Variants in MAPKAP1 observed in about 807,000 individuals in gnomAD.
MAPKAP1 encodes MAPK associated protein 1, also known as target of rapamycin complex 2 subunit MAPKAP1.
MAPKAP1 carries 20 observed loss-of-function variants against 65.7 expected under a neutral mutation model. That is an observed-to-expected ratio of 0.30 (90% CI 0.21 to 0.44). MAPKAP1 has a LOEUF of 0.44. Among genes scored for constraint, MAPKAP1 ranks in the 20% least tolerant of loss-of-function variants. The probability of loss-of-function intolerance (pLI) is 1.00; values close to 1 mark genes in which losing one functional copy is unlikely to be tolerated. For synonymous variants in MAPKAP1, 222 were observed against 244.3 expected (o/e 0.91, Z 0.85); for missense variants, 423 against 648.0 (o/e 0.65, Z 3.77).
At chr9:125,600,500 G>A (rs749483279) in intron 4 of MAPKAP1, among the ~76,000 whole-genome samples, 1 of 152,212 alleles carries the variant, frequency 6.6e-6, no homozygotes, top group Non-Finnish European at 1.5e-5. Flanking sequence ...AGTATAAAGT[G>A]ACAACAAAGC....
intron 10 of MAPKAP1, among the ~76,000 whole-genome samples, chr9:125,456,419 T>C (rs1476338810): frequency 2.6e-5 from 4 of 152,264 alleles, no homozygotes; most frequent in South Asian, 2.1e-4. Context: ...GTTTCTGTTG[T>C]TCTGTCATAG....
chr9:125,479,366 G>A (rs1250001126), intron 9 of MAPKAP1, among the ~76,000 whole-genome samples: 1 of 152,150 alleles, frequency 6.6e-6, no homozygotes, highest in Non-Finnish European at 1.5e-5. Flanking sequence ...GGTCACCTGA[G>A]GTCAAGAGTT....
chr9:125,695,553 C>T (rs1483450499), intron 1 of MAPKAP1, among the ~76,000 whole-genome samples: 1 of 152,052 alleles, frequency 6.6e-6, no homozygotes, highest in African/African-American at 2.4e-5. Context: ...AACATCTTGC[C>T]TGATATTTTC....
chr9:125,561,138 ATTGG>A (rs1244399225), intron 5 of MAPKAP1, among the ~76,000 whole-genome samples: 1 of 152,200 alleles, frequency 6.6e-6, no homozygotes, highest in Non-Finnish European at 1.5e-5. Context: ...TAATTGTTTA[ATTGG>A]TTGGTTGATC....
At chr9:125,694,018 ATTT>A (rs950774037) in intron 1 of MAPKAP1, among the ~76,000 whole-genome samples, 2 of 151,258 alleles carry the variant, frequency 1.3e-5, no homozygotes, top group East Asian at 3.9e-4. Flanking sequence ...TTGTATTAAA[ATTT>A]TTTTTTAATT....
intron 1 of MAPKAP1, among the ~76,000 whole-genome samples, chr9:125,675,855 T>C (rs1057062795): frequency 3.3e-5 from 5 of 152,188 alleles, no homozygotes; most frequent in East Asian, 3.8e-4. Context: ...AAATAAAGGA[T>C]TGTCTTTTTT....
intron 4 of MAPKAP1, among the ~76,000 whole-genome samples, chr9:125,614,233 C>A (rs1314544715): frequency 1.3e-5 from 2 of 152,102 alleles, no homozygotes; most frequent in African/African-American, 4.8e-5. Context: ...GCAAACCAAC[C>A]CAGCAAGATA....
chr9:125,448,216 A>G (rs1174456774), intron 10 of MAPKAP1, among the ~76,000 whole-genome samples: 1 of 152,218 alleles, frequency 6.6e-6, no homozygotes, highest in Non-Finnish European at 1.5e-5. Flanking sequence ...GGCGAGAACT[A>G]CAGAGAAGGT....
intron 4 of MAPKAP1, among the ~76,000 whole-genome samples, chr9:125,619,616 G>T (rs1832840285): frequency 6.6e-6 from 1 of 151,920 alleles, no homozygotes. Flanking sequence ...TTAACAGAGA[G>T]AAATCAGGAA....
At chr9:125,544,407 G>A (rs1025087443) in intron 6 of MAPKAP1, among the ~76,000 whole-genome samples, 1 of 151,896 alleles carries the variant, frequency 6.6e-6, no homozygotes, top group South Asian at 2.1e-4. Flanking sequence ...GTAATTATAA[G>A]ACAAAACACT....
At chr9:125,587,503 T>G (rs962299121) in intron 4 of MAPKAP1, among the ~76,000 whole-genome samples, 1 of 152,086 alleles carries the variant, frequency 6.6e-6, no homozygotes, top group Non-Finnish European at 1.5e-5. Context: ...AAGGCAGATG[T>G]TGCAATGAGC....
intron 4 of MAPKAP1, among the ~76,000 whole-genome samples, chr9:125,617,568 C>A (rs147641730): frequency 6.6e-6 from 1 of 152,178 alleles, no homozygotes; most frequent in African/African-American, 2.4e-5. Flanking sequence ...CTGGAAGCAA[C>A]TGAAATGTCC....
At chr9:125,459,206 C>G (rs1254797346) in intron 10 of MAPKAP1, among the ~76,000 whole-genome samples, 1 of 149,548 alleles carries the variant, frequency 6.7e-6, no homozygotes, top group African/African-American at 2.5e-5. Flanking sequence ...CTCCCCACAT[C>G]TCAGACGATG....
At chr9:125,678,409 A>T (rs1359158206) in intron 1 of MAPKAP1, among the ~76,000 whole-genome samples, 1 of 151,612 alleles carries the variant, frequency 6.6e-6, no homozygotes, top group African/African-American at 2.4e-5. Context: ...CGCCTGGCTA[A>T]TTTTTTGTAT....
chr9:125,668,394 T>C (rs10986835), intron 3 of MAPKAP1, among the ~76,000 whole-genome samples: 2 of 152,206 alleles, frequency 1.3e-5, no homozygotes, highest in Admixed American at 6.5e-5. Context: ...GAGCACGAGG[T>C]AGAGGCTGCT....
chr9:125,610,111 G>A (rs1737331199), intron 4 of MAPKAP1, among the ~76,000 whole-genome samples: 1 of 152,032 alleles, frequency 6.6e-6, no homozygotes, highest in Admixed American at 6.5e-5. Flanking sequence ...GTTCTTATTT[G>A]AAAAAACATC....
intron 1 of MAPKAP1, among the ~76,000 whole-genome samples, chr9:125,684,276 G>A (rs1324012465): frequency 1.3e-5 from 2 of 152,280 alleles, no homozygotes; most frequent in East Asian, 3.9e-4. Flanking sequence ...AGACATTTAA[G>A]CAATCAATAT....
At chr9:125,542,893 C>G (rs887904723) in intron 7 of MAPKAP1, 166 bp downstream of exon 7, 5 of 757,416 alleles carry the variant, frequency 6.6e-6, no homozygotes, top group Admixed American at 1.7e-5. Flanking sequence ...TTTCTGAGGC[C>G]GAGGGGCAGT....
At chr9:125,578,458 T>TA (rs1177403890) in intron 5 of MAPKAP1, among the ~76,000 whole-genome samples, 6 of 150,660 alleles carry the variant, frequency 4.0e-5, no homozygotes, top group South Asian at 2.1e-4. Flanking sequence ...AAAAAAAGCA[T>TA]AAAAAAAGAT....
Sources: gnomAD v4.1 joint callset for allele counts (sites outside exome capture counted in the v4.1 genomes callset) on GRCh38, gnomAD v4.1.1 for gene constraint, MANE v1.5 for transcripts, NCBI Gene and HGNC (gene_info 2026-07-23, HGNC 2026-07-21) for gene names.